The following ASZ1 variants were observed in gnomAD, a reference collection of about 807,000 sequenced individuals.
ASZ1 encodes the protein ankyrin repeat, SAM and basic leucine zipper domain-containing protein 1.
In ASZ1, 67 loss-of-function variants were observed where a neutral mutation model predicts 61.8. That is an observed-to-expected ratio of 1.08 (90% CI 0.89 to 1.33). The LOEUF (loss-of-function observed/expected upper bound fraction) is 1.33. ASZ1 is among the 40% of genes most tolerant of loss of function. The pLI, the probability that ASZ1 is intolerant of heterozygous loss-of-function variation, is 0.00. For missense variants in ASZ1, 577 were observed against 554.5 expected (o/e 1.04, Z -0.41); for synonymous variants, 193 against 192.7 (o/e 1.00, Z -0.01).
intron 4 of ASZ1, among the ~76,000 whole-genome samples, chr7:117,396,219 G>A (rs2116492907): frequency 6.6e-6 from 1 of 152,248 alleles, no homozygotes; most frequent in East Asian, 1.9e-4. Flanking sequence ...ACAGTACCAT[G>A]CACAAAGTAA....
At chr7:117,423,692 A>AC (rs1173578107) in intron 2 of ASZ1, among the ~76,000 whole-genome samples, 1 of 146,360 alleles carries the variant, frequency 6.8e-6, no homozygotes, top group Non-Finnish European at 1.5e-5. Flanking sequence ...AAAAATACAA[A>AC]AAAAAAAAAA....
At position 117,379,168 on chromosome 7, in the gene ASZ1, T is replaced by TATATAC. The variant is rs1161457624; in HGVS notation, c.1055+769_1055+770insGTATAT. On this transcript the variant is annotated intron_variant, in intron 10 of 12. Coordinates refer to ENST00000284629, the MANE Select transcript of ASZ1 (RefSeq NM_130768.3). ...ATATATATATATATATATATATATA[T>TATATAC]ACACACACACACACACACACACACA... 3.8e-3 allele frequency among the ~76,000 whole-genome samples: 264 copies of TATATAC among 69,654 alleles called. 1 individual carries two copies. The highest frequency in any genetic ancestry group is 0.035 in the East Asian group (72 of 2,034). The allele number at this position is 69,654 out of a possible 152,430, so 45.7% of individuals were successfully genotyped here.
intron 4 of ASZ1, among the ~76,000 whole-genome samples, chr7:117,409,045 C>T (rs1796843452): frequency 6.6e-6 from 1 of 151,944 alleles, no homozygotes; most frequent in African/African-American, 2.4e-5. Context: ...TGATTATATA[C>T]ACACGCACAG....
chr7:117,421,198 C>T (rs1584744680), intron 3 of ASZ1, among the ~76,000 whole-genome samples: 1 of 152,126 alleles, frequency 6.6e-6, no homozygotes, highest in East Asian at 1.9e-4. Flanking sequence ...AACCTCATTC[C>T]TAAGCATAGC....
At chr7:117,421,469 ACTCCC>A (rs1017470815) in intron 3 of ASZ1, among the ~76,000 whole-genome samples, 2 of 151,974 alleles carry the variant, frequency 1.3e-5, no homozygotes, top group Non-Finnish European at 2.9e-5. Flanking sequence ...CCTGCCTTAG[ACTCCC>A]AAAGTGCTAT....
intron 4 of ASZ1, among the ~76,000 whole-genome samples, chr7:117,398,633 C>A (rs940362237): frequency 6.6e-6 from 1 of 152,132 alleles, no homozygotes; most frequent in African/African-American, 2.4e-5. Context: ...GTCAGAATAA[C>A]CTTTACAAAA....
At chr7:117,378,915 T>G (rs1796190939) in intron 10 of ASZ1, among the ~76,000 whole-genome samples, 2 of 151,524 alleles carry the variant, frequency 1.3e-5, no homozygotes, top group Non-Finnish European at 3.0e-5. Context: ...TTAGGATGAT[T>G]GAAAAAAGTT....
chr7:117,368,552 T>A, intron 11 of ASZ1, 60 bp downstream of exon 11: 1 of 1,571,308 alleles, frequency 6.4e-7, no homozygotes, highest in Non-Finnish European at 8.6e-7. Flanking sequence ...TATCATGAAC[T>A]TATCTGGAAT....
At chr7:117,416,546 A>G (rs1436722025) in intron 4 of ASZ1, among the ~76,000 whole-genome samples, 2 of 152,242 alleles carry the variant, frequency 1.3e-5, no homozygotes, top group African/African-American at 2.4e-5. Context: ...AAAATACTCT[A>G]TAATTCTAGA....
chr7:117,395,209 A>C (rs1193665225), intron 4 of ASZ1, among the ~76,000 whole-genome samples: 1 of 152,178 alleles, frequency 6.6e-6, no homozygotes, highest in East Asian at 1.9e-4. Flanking sequence ...TTCCAGAGAT[A>C]ACTTTTTTCT....
chr7:117,383,599 G>C (rs1290342965), intron 6 of ASZ1, among the ~76,000 whole-genome samples: 1 of 151,776 alleles, frequency 6.6e-6, no homozygotes, highest in Non-Finnish European at 1.5e-5. Context: ...AATCCTAACT[G>C]AACACCTCAA....
At chr7:117,427,141 G>C (rs896815280) in intron 1 of ASZ1, among the ~76,000 whole-genome samples, 3 of 152,134 alleles carry the variant, frequency 2.0e-5, no homozygotes, top group Non-Finnish European at 2.9e-5. Context: ...GAGGAGTTAC[G>C]ATGACCTAAA....
chr7:117,423,995 T>G (rs1488624439), intron 2 of ASZ1, among the ~76,000 whole-genome samples: 1 of 152,018 alleles, frequency 6.6e-6, no homozygotes, highest in Non-Finnish European at 1.5e-5. Context: ...CAAAAAAAGG[T>G]AAGTTTCAAA....
intron 4 of ASZ1, among the ~76,000 whole-genome samples, chr7:117,399,340 T>A (rs1382253531): frequency 5.3e-5 from 8 of 152,050 alleles, no homozygotes; most frequent in Non-Finnish European, 1.0e-4. Context: ...TCTAGGAAGG[T>A]TTCACTTGTC....
chr7:117,384,676 G>T, intron 6 of ASZ1, 50 bp downstream of exon 6: 1 of 1,535,878 alleles, frequency 6.5e-7, no homozygotes, highest in South Asian at 1.2e-5. Context: ...TTCTACAAAT[G>T]ATAATGTGAT....
intron 8 of ASZ1, 40 bp from the exon 9 acceptor site, chr7:117,381,107 A>C (rs893613425): frequency 1.4e-6 from 2 of 1,481,010 alleles, no homozygotes; most frequent in African/African-American, 1.4e-5. Flanking sequence ...CCATATAATT[A>C]AAATAGTAGA....
intron 10 of ASZ1, among the ~76,000 whole-genome samples, chr7:117,375,654 A>G (rs1796122913): frequency 2.6e-5 from 4 of 152,110 alleles, no homozygotes; most frequent in Admixed American, 2.6e-4. Flanking sequence ...ACAGAATCAA[A>G]CTGGAAATCG....
intron 11 of ASZ1, 147 bp downstream of exon 11, chr7:117,368,465 A>C (rs2116445326): frequency 7.2e-7 from 1 of 1,388,298 alleles, no homozygotes; most frequent in East Asian, 2.7e-5. Flanking sequence ...ATATTAAACA[A>C]ATTGACTTAT....
intron 2 of ASZ1, among the ~76,000 whole-genome samples, chr7:117,423,862 A>G (rs1283021094): frequency 1.4e-5 from 2 of 142,542 alleles, no homozygotes; most frequent in East Asian, 4.0e-4. Flanking sequence ...ACTCCATCTC[A>G]AAAAAAAAAA....
Sources: gnomAD v4.1 joint callset for allele counts (sites outside exome capture counted in the v4.1 genomes callset) on GRCh38, gnomAD v4.1.1 for gene constraint, MANE v1.5 for transcripts, NCBI Gene and HGNC (gene_info 2026-07-23, HGNC 2026-07-21) for gene names.